The following RTEL1 variants were observed in gnomAD, a reference collection of about 807,000 sequenced individuals.
RTEL1 encodes the protein regulator of telomere length.
Under a neutral mutation model 162.2 loss-of-function variants are expected in RTEL1, and 86 were observed. The ratio of observed to expected loss-of-function variants is 0.53; its 90% CI spans 0.45 to 0.63. The LOEUF (loss-of-function observed/expected upper bound fraction) is 0.63. RTEL1 is among the 30% of genes least tolerant of loss of function. The probability of loss-of-function intolerance (pLI) is 0.00; values close to 1 mark genes in which losing one functional copy is unlikely to be tolerated. For missense variants in RTEL1, 1,941 were observed against 1,750.2 expected (o/e 1.11, Z -1.95); for synonymous variants, 958 against 717.9 (o/e 1.33, Z -5.35).
At chr20:63,683,433 G>GGGAA (rs1235970489) in intron 14 of RTEL1, among the ~76,000 whole-genome samples, 1 of 152,202 alleles carries the variant, frequency 6.6e-6, no homozygotes, top group Non-Finnish European at 1.5e-5. Flanking sequence ...GAAAATGGCT[G>GGGAA]GGAAGGAAGG....
chr20:63,662,043 G>C (rs1335472021), intron 4 of RTEL1, 100 bp downstream of exon 4: 4 of 979,520 alleles, frequency 4.1e-6, no homozygotes, highest in Non-Finnish European at 4.8e-6. Flanking sequence ...GTGGAGGGTG[G>C]TGGTCTTTCT....
chr20:63,690,937 G>A lies in RTEL1; in HGVS notation c.2546G>A (p.Gly849Asp), dbSNP rs190887884. 21,656 of 1,550,632 alleles carry A rather than the reference G, an allele frequency of 0.014. 210 individuals are homozygous for A. Among genetic ancestry groups the A allele is most frequent in the Non-Finnish European group, 0.016 (18,691 of 1,147,742 alleles). ...AGCGAACAGCGGGCGGGGAGCCCTGGCGAGGAGCAGGTACAGTTCCAGGGC... is the reference window on the plus strand; with the variant it reads ...AGCGAACAGCGGGCGGGGAGCCCTGACGAGGAGCAGGTACAGTTCCAGGGC... ...EHSEQRAGSPGEEQAHSCSTL... is the reference protein window; with the variant it reads ...EHSEQRAGSPDEEQAHSCSTL... Residue 849 changes from glycine to aspartate, a missense_variant, in exon 27 of 35, where the codon GGC becomes GAC. Coordinates refer to ENST00000360203, the MANE Select transcript of RTEL1 (RefSeq NM_001283009.2).
At position 63,666,072 on chromosome 20, in the gene RTEL1, A is replaced by C. The variant is rs760219097; in HGVS notation, c.607A>C (p.Lys203Gln). 6.2e-7 allele frequency: 1 copy of C among 1,614,080 alleles called. No individual in the cohort carries two copies. Among genetic ancestry groups the C allele is most frequent in the South Asian group, 1.1e-5 (1 of 91,074 alleles). The change falls in exon 7 of 35, where the codon AAG (lysine) becomes CAG (glutamine). Residue 203 changes from lysine to glutamine, a missense_variant. Lys to Gln is a moderately conservative substitution (Grantham distance 53, BLOSUM62 1). Transcript: ENST00000360203. ...TGAGGACTTGGTCAAGAGCGGAAGC[A>C]AGCACAGGTGAGACCCCTCAGTGAG... ...DIEDLVKSGSKHRVCPYYLSR... is the reference protein window; with the variant it reads ...DIEDLVKSGSQHRVCPYYLSR...
intron 30 of RTEL1, among the ~76,000 whole-genome samples, 176 bp downstream of exon 30, chr20:63,693,459 A>T (rs1203551626): frequency 1.1e-4 from 2 of 18,320 alleles, no homozygotes; most frequent in African/African-American, 5.1e-4. Context: ...CACCACCTCC[A>T]CCTCCACCTC....
intron 6 of RTEL1, among the ~76,000 whole-genome samples, chr20:63,663,912 C>G (rs1188480097): frequency 2.7e-4 from 41 of 152,188 alleles, no homozygotes; most frequent in Admixed American, 2.6e-3. Flanking sequence ...GACCCACTAC[C>G]AGGCGTTTCT....
At chr20:63,685,489 C>G in intron 14 of RTEL1, 34 bp from the exon 15 acceptor site, 1 of 1,605,966 alleles carries the variant, frequency 6.2e-7, no homozygotes, top group Non-Finnish European at 8.5e-7. Context: ...TGGCCTCAGG[C>G]TCCTGACGGG....
chr20:63,667,014 T>C (rs2090146083), intron 7 of RTEL1, among the ~76,000 whole-genome samples: 1 of 151,848 alleles, frequency 6.6e-6, no homozygotes, highest in Admixed American at 6.6e-5. Context: ...TAATTTTCTG[T>C]ATTTTTAGTA....
In RTEL1 at chr20:63,681,514, A is replaced by G. The variant is rs1050012147; in HGVS notation, c.1191+795A>G. On this transcript the variant is annotated intron_variant, in intron 14 of 34. Transcript: ENST00000360203. ...GGGTTAGGCAGGGCTGCCCAGCGCT[A>G]TGACAGCTTCATGAGTGTCCATCTG... The G allele has an allele frequency of 1.9e-5, 19 of 982,976 alleles. No individual in the cohort carries two copies. In the African/African-American group the frequency reaches 3.0e-4, roughly 16 times the overall value. 60.9% of individuals were successfully genotyped at this position (982,976 alleles called of 1,614,324 possible). A position where few individuals can be genotyped will look rare whatever the true frequency, so the allele number is the denominator to read the frequency against.
chr20:63,689,165 G>A (rs966654206), intron 22 of RTEL1, 33 bp downstream of exon 22: 2 of 1,595,820 alleles, frequency 1.3e-6, no homozygotes, highest in East Asian at 2.2e-5. Flanking sequence ...CCCTGACCTG[G>A]TTGCCTGTTC....
At chr20:63,662,681 G>T in intron 5 of RTEL1, 54 bp downstream of exon 5, 1 of 1,609,782 alleles carries the variant, frequency 6.2e-7, no homozygotes. Flanking sequence ...AGTGCTGCTG[G>T]GTGTCCAGAG....
At chr20:63,681,657 C>G (rs1044556653) in intron 14 of RTEL1, 1 of 985,248 alleles carries the variant, frequency 1.0e-6, no homozygotes, top group Non-Finnish European at 1.2e-6. Context: ...ACTGCCTTCT[C>G]CTTCACAGAC....
At chr20:63,672,408 C>T in intron 8 of RTEL1, 148 bp from the exon 9 acceptor site, 1 of 677,366 alleles carries the variant, frequency 1.5e-6, no homozygotes, top group Non-Finnish European at 2.7e-6. Flanking sequence ...GTTGCCAGGT[C>T]ATCCAGGTCT....
rs1278245505 is a variant in RTEL1, at chr20:63,668,080, C to T, written c.699+527C>T. On this transcript the variant is annotated intron_variant, in intron 8 of 34. Coordinates refer to ENST00000360203, the MANE Select transcript of RTEL1 (RefSeq NM_001283009.2). This position sits in a 1 kb window ranked among gnomAD's most constrained non-coding sequence, Gnocchi z 4.3. The stretch of plus-strand genomic sequence containing the variant: ...TCCCAGTGTGTGCCCAGCCCCACTC[C>T]CTTCCGCCCCGTGTGCCCAGCCCCA... Among the ~76,000 whole-genome samples, 3 of 150,462 alleles carry T rather than the reference C, an allele frequency of 2.0e-5. No individual in the cohort carries two copies. Among genetic ancestry groups the T allele is most frequent in the Non-Finnish European group, 3.0e-5 (2 of 67,556 alleles).
In RTEL1 at chr20:63,668,103, C is replaced by T. The variant is rs1222648093; in HGVS notation, c.699+550C>T. Among the ~76,000 whole-genome samples the T allele has an allele frequency of 6.6e-6, 1 of 150,854 alleles. No homozygotes were observed. The highest frequency in any genetic ancestry group is 6.6e-5 in the Admixed American group (1 of 15,144). ...TCCCTTCCGCCCCGTGTGCCCAGCC[C>T]CACGCTCACTCCCCCCGCCAGCATG... On this transcript the variant is annotated intron_variant, in intron 8 of 34. Transcript: ENST00000360203. This position sits in a 1 kb window ranked among gnomAD's most constrained non-coding sequence, Gnocchi z 4.3.
chr20:63,664,321 G>T (rs1601091780), intron 6 of RTEL1, among the ~76,000 whole-genome samples: 1 of 152,242 alleles, frequency 6.6e-6, no homozygotes, highest in Non-Finnish European at 1.5e-5. Flanking sequence ...CATGCAGCGG[G>T]GGTCCTTGGG....
chr20:63,676,796 G>T (rs1601127628), intron 10 of RTEL1, among the ~76,000 whole-genome samples: 2 of 152,180 alleles, frequency 1.3e-5, no homozygotes, highest in Non-Finnish European at 2.9e-5. Context: ...TTAGCCAGGT[G>T]TGGTGGTGCA....
chr20:63,683,747 C>G (rs1337319755), intron 14 of RTEL1, among the ~76,000 whole-genome samples: 1 of 152,184 alleles, frequency 6.6e-6, no homozygotes, highest in African/African-American at 2.4e-5. Flanking sequence ...CGTTCCTGTT[C>G]TGGCCGTTTT....
chr20:63,667,476 C>T lies in RTEL1; in HGVS notation c.622C>T (p.Pro208Ser). The part of the protein sequence containing the change: ...VKSGSKHRVC[P>S]YYLSRNLKQQ... ...CTCCTCTCTCCTTCCCAGGGTGTGCCCTTACTACCTGTCCCGGAACCTGAA... is the reference window on the plus strand; with the variant it reads ...CTCCTCTCTCCTTCCCAGGGTGTGCTCTTACTACCTGTCCCGGAACCTGAA... Residue 208 changes from proline to serine, a missense_variant, in exon 8 of 35, where the codon CCT becomes TCT. Physicochemically the swap from Pro to Ser is moderately conservative, Grantham distance 74 (BLOSUM62 -1). Coordinates refer to ENST00000360203, the MANE Select transcript of RTEL1 (RefSeq NM_001283009.2). The T allele has an allele frequency of 6.2e-7, 1 of 1,613,622 alleles. No individual in the cohort carries two copies. Among genetic ancestry groups the T allele is most frequent in the Non-Finnish European group, 8.5e-7 (1 of 1,179,590 alleles).
chr20:63,679,943 G>A lies in RTEL1; in HGVS notation c.1132G>A (p.Gly378Arg), dbSNP rs1433490184. The A allele has an allele frequency of 1.2e-6, 2 of 1,610,080 alleles. No homozygotes were observed. The highest frequency in any genetic ancestry group is 8.5e-7 in the Non-Finnish European group (1 of 1,178,182). The part of the protein sequence containing the change: ...SLDQIIQHLA[G>R]RAGVFTNTAG... ...GGACCAGATCATCCAGCACCTGGCA[G>A]GACGTGAGTGCTGGCACGGGGTCTT... The change falls in exon 13 of 35, where the codon GGA becomes AGA. Residue 378 changes from glycine (G) to arginine (R), a missense_variant. By Grantham distance (125) the Gly-to-Arg change is moderately radical. Transcript: ENST00000360203.
Sources: allele counts gnomAD v4.1 joint callset (sites outside exome capture counted in the v4.1 genomes callset), GRCh38; gene constraint gnomAD v4.1.1; non-coding constraint Gnocchi (gnomAD v3.1); transcripts MANE v1.5; gene names NCBI Gene and HGNC (gene_info 2026-07-23, HGNC 2026-07-21).